C3: variants seen among roughly 807,000 people sequenced by gnomAD.
C3 encodes the protein C3 and PZP-like alpha-2-macroglobulin domain-containing protein 1.
A neutral mutation model predicts 207.9 loss-of-function variants in C3; 97 were observed. The ratio of observed to expected loss-of-function variants is 0.47; its 90% confidence interval spans 0.40 to 0.55. The LOEUF is 0.55. Ranked by LOEUF, C3 falls within the 20% of genes least tolerant of loss-of-function variation. The probability of loss-of-function intolerance (pLI) is 0.00; values close to 1 mark genes in which losing one functional copy is unlikely to be tolerated. For missense variants in C3, 1,684 were observed against 2,171.7 expected (o/e 0.78, Z 4.46); for synonymous variants, 848 against 857.6 (o/e 0.99, Z 0.20).
intron 35 of C3, 121 bp downstream of exon 35, chr19:6,681,820 G>T: frequency 1.2e-6 from 1 of 806,114 alleles, no homozygotes; most frequent in Middle Eastern, 3.5e-4. Flanking sequence ...CACAGACCCT[G>T]TCTCCTCTGG....
chr19:6,708,521 T>G (rs1054772864), intron 14 of C3, among the ~76,000 whole-genome samples: 1 of 149,952 alleles, frequency 6.7e-6, no homozygotes, highest in Non-Finnish European at 1.5e-5. Context: ...CCATTCCTCC[T>G]TTCCTCCTTC....
Position 6,685,227 on chromosome 19 carries a change from A to T in C3, c.3811-81T>A, listed in dbSNP as rs1599500334. Reference sequence around the variant, plus strand: ...ATCCAGTGGGGGATAAAGAGGTTCAAATCAGAGCTGGGACATCAAAATGTG... The same window carrying T: ...ATCCAGTGGGGGATAAAGAGGTTCATATCAGAGCTGGGACATCAAAATGTG... On this transcript the variant is annotated intron_variant, in intron 29 of 40. Transcript: ENST00000245907. 4 of 1,323,006 alleles carry T rather than the reference A, an allele frequency of 3.0e-6. No individual in the cohort carries two copies. The East Asian group carries it at 7.3e-5, about 24-fold the overall frequency. The allele number at this position is 1,323,006 out of a possible 1,614,324, so 82.0% of individuals were successfully genotyped here. A position where few individuals can be genotyped will look rare whatever the true frequency, so the allele number is the denominator to read the frequency against.
At chr19:6,717,998 C>T in intron 4 of C3, 96 bp downstream of exon 4, 1 of 1,208,978 alleles carries the variant, frequency 8.3e-7, no homozygotes, top group Non-Finnish European at 1.2e-6. Flanking sequence ...TCTGCCACTG[C>T]ACCCCTTCCG....
At chr19:6,695,298 C>G (rs1967508425) in intron 23 of C3, among the ~76,000 whole-genome samples, 1 of 151,706 alleles carries the variant, frequency 6.6e-6, no homozygotes, top group African/African-American at 2.4e-5. Context: ...TCACACCAAC[C>G]CTTGGAGGTA....
intron 23 of C3, 90 bp downstream of exon 23, chr19:6,696,289 G>A (rs1476887424): frequency 6.6e-6 from 5 of 759,780 alleles, no homozygotes; most frequent in Admixed American, 2.0e-5. Flanking sequence ...GAAGAGAAAG[G>A]TGCGGGTTAA....
rs766756620 is a variant in C3, at chr19:6,702,460, C to T, written c.2354+11G>A. On this transcript the variant is annotated intron_variant, in intron 18 of 40. Transcript: ENST00000245907. ...CTGGGGTGGGTTGTACCGGGGGTAC[C>T]CCGGCCTTACCCATTTTTCGGTGGC... 2.5e-6 allele frequency: 4 copies of T among 1,580,936 alleles called. No individual in the cohort carries two copies. Among genetic ancestry groups the T allele is most frequent in the African/African-American group, 1.3e-5 (1 of 74,294 alleles).
intron 14 of C3, 71 bp downstream of exon 14, chr19:6,709,613 C>T: frequency 1.4e-5 from 12 of 850,128 alleles, no homozygotes; most frequent in Admixed American, 5.3e-5. Flanking sequence ...CTCTCCAGTC[C>T]CACCCACCTC....
At chr19:6,696,132 C>T (rs1967526369) in intron 23 of C3, among the ~76,000 whole-genome samples, 1 of 150,896 alleles carries the variant, frequency 6.6e-6, no homozygotes, top group Non-Finnish European at 1.5e-5. Context: ...ATGGCGTGAA[C>T]CCGGGAGGCG....
At chr19:6,702,100 CG>C in intron 19 of C3, 26 bp downstream of exon 19, 2 of 1,347,830 alleles carry the variant, frequency 1.5e-6, no homozygotes, top group Non-Finnish European at 2.1e-6. Context: ...CCCTGCCTCC[CG>C]GGGACCAGCC....
chr19:6,715,001 G>A (rs1175730627), intron 4 of C3, among the ~76,000 whole-genome samples: 2 of 152,166 alleles, frequency 1.3e-5, no homozygotes, highest in Admixed American at 1.3e-4. Context: ...GATTATAATG[G>A]CACCTACTGT....
At chr19:6,720,368 C>G in intron 1 of C3, 148 bp downstream of exon 1, 1 of 667,622 alleles carries the variant, frequency 1.5e-6, no homozygotes, top group Non-Finnish European at 2.8e-6. Flanking sequence ...CACAGGCAGC[C>G]CAAATATATA....
At chr19:6,712,197 C>A in intron 11 of C3, 60 bp downstream of exon 11, 1 of 1,605,836 alleles carries the variant, frequency 6.2e-7, no homozygotes, top group African/African-American at 1.3e-5. Flanking sequence ...ACTGTGCAAA[C>A]ACCAGAACCC....
intron 19 of C3, 24 bp from the exon 20 acceptor site, chr19:6,697,818 GGA>G: frequency 6.2e-7 from 1 of 1,605,840 alleles, no homozygotes; most frequent in Non-Finnish European, 8.5e-7. Context: ...GACAGAACAC[GGA>G]GTGTCAAGGT....
intron 21 of C3, among the ~76,000 whole-genome samples, chr19:6,697,076 A>ATAAATAAATAAATAAAT (rs71177114): frequency 2.2e-4 from 25 of 112,648 alleles, no homozygotes; most frequent in Middle Eastern, 5.4e-3. Flanking sequence ...AAATAAATAA[A>ATAAATAAATAAATAAAT]AAATTTCAAA....
At chr19:6,701,991 C>A in intron 19 of C3, 136 bp downstream of exon 19, 1 of 696,916 alleles carries the variant, frequency 1.4e-6, no homozygotes. Context: ...TTCCTGGTAA[C>A]AACACCTCTG....
At chr19:6,708,140 CTCTT>C (rs71177115) in intron 14 of C3, among the ~76,000 whole-genome samples, 2 of 77,440 alleles carry the variant, frequency 2.6e-5, no homozygotes, top group Non-Finnish European at 5.2e-5. Context: ...CTCACTCTCT[CTCTT>C]TCTTTCTTTC....
At chr19:6,698,566 A>G (rs1967588688) in intron 19 of C3, among the ~76,000 whole-genome samples, 1 of 151,934 alleles carries the variant, frequency 6.6e-6, no homozygotes, top group South Asian at 2.1e-4. Flanking sequence ...TGATCTAGCT[A>G]GGTGCGGTGG....
chr19:6,700,562 AATAT>A (rs1351296767), intron 19 of C3, among the ~76,000 whole-genome samples: 2 of 41,892 alleles, frequency 4.8e-5, no homozygotes, highest in African/African-American at 3.4e-4. Flanking sequence ...TAATATATGT[AATAT>A]ATGATATATT....
chr19:6,703,379 G>A (rs1023883084), intron 17 of C3, among the ~76,000 whole-genome samples: 3 of 152,206 alleles, frequency 2.0e-5, no homozygotes, highest in Admixed American at 6.5e-5. Flanking sequence ...AGGCCGAGGC[G>A]GGTGGATCAC....
Sources: allele counts gnomAD v4.1 joint callset (sites outside exome capture counted in the v4.1 genomes callset), GRCh38; gene constraint gnomAD v4.1.1; transcripts MANE v1.5; gene names NCBI Gene and HGNC (gene_info 2026-07-23, HGNC 2026-07-21).